Variants in ASIC2 observed in about 807,000 individuals in gnomAD.
The protein encoded by ASIC2 is acid-sensing ion channel 2.
A neutral mutation model predicts 57.3 loss-of-function variants in ASIC2; 25 were observed. The observed-to-expected ratio is 0.44, with a 90% CI of 0.32 to 0.61. The LOEUF is 0.61. ASIC2 is among the 20% of genes least tolerant of loss of function. The pLI, the probability that ASIC2 is intolerant of heterozygous loss-of-function variation, is 0.06. For synonymous variants in ASIC2, 319 were observed against 307.5 expected, an observed-to-expected ratio of 1.04 and a Z score of -0.39; for missense variants, 641 against 738.1, an observed-to-expected ratio of 0.87 and a Z score of 1.52.
In ASIC2 at chr17:34,113,845, A is replaced by G. The variant is rs549710551; in HGVS notation, c.555+42133T>C. ...AGCTATGATTGGGCCACTGCCCTTC[A>G]GCCTAGGCAACAGAGACCATTTCTC... On this transcript the variant is annotated intron_variant, in intron 1 of 9. Transcript: ENST00000359872. 2.6e-4 allele frequency among the ~76,000 whole-genome samples: 39 copies of G among 152,318 alleles called. No homozygotes were observed. The South Asian group carries it at 7.9e-3, about 31-fold the overall frequency.
intron 1 of ASIC2, among the ~76,000 whole-genome samples, chr17:33,556,231 A>T (rs985468886): frequency 6.6e-6 from 1 of 152,184 alleles, no homozygotes; most frequent in Non-Finnish European, 1.5e-5. Context: ...CCAAGGGGAG[A>T]GGAGACATGG....
chr17:33,435,754 C>T (rs780962436), intron 1 of ASIC2, among the ~76,000 whole-genome samples: 2 of 152,216 alleles, frequency 1.3e-5, no homozygotes, highest in African/African-American at 2.4e-5. Context: ...ATTATTGAAT[C>T]TAGGCACTGA....
At chr17:33,303,393 G>A (rs116861047) in intron 1 of ASIC2, among the ~76,000 whole-genome samples, 130 of 152,236 alleles carry the variant, frequency 8.5e-4, no homozygotes, top group African/African-American at 3.0e-3. Context: ...AAAACTATAC[G>A]AGCCCACTTG....
At chr17:33,284,778 T>C (rs1905081129) in intron 1 of ASIC2, among the ~76,000 whole-genome samples, 1 of 152,188 alleles carries the variant, frequency 6.6e-6, no homozygotes, top group Non-Finnish European at 1.5e-5. Context: ...CAGGGTTCCA[T>C]GACACTCATT....
At chr17:34,057,151 G>C (rs1471622087) in intron 1 of ASIC2, among the ~76,000 whole-genome samples, 1 of 150,046 alleles carries the variant, frequency 6.7e-6, no homozygotes, top group Non-Finnish European at 1.5e-5. Flanking sequence ...TTGGACCTGA[G>C]TAGAGAGACA....
chr17:33,921,257 C>A (rs934789050), intron 1 of ASIC2, among the ~76,000 whole-genome samples: 2 of 152,088 alleles, frequency 1.3e-5, no homozygotes, highest in Non-Finnish European at 2.9e-5. Flanking sequence ...TTAGCCTCAC[C>A]TATAAAACCA....
chr17:33,852,163 C>G (rs1913785683), intron 1 of ASIC2, among the ~76,000 whole-genome samples: 1 of 152,244 alleles, frequency 6.6e-6, no homozygotes, highest in Admixed American at 6.5e-5. Flanking sequence ...TATCCATCAT[C>G]AAGTAAGGCT....
intron 1 of ASIC2, among the ~76,000 whole-genome samples, chr17:34,099,737 A>AGAAG (rs1910767368): frequency 8.6e-3 from 3 of 350 alleles, no homozygotes; most frequent in Non-Finnish European, 0.02. Flanking sequence ...AAAGAAGGAA[A>AGAAG]GAAAGAAAGA....
intron 1 of ASIC2, among the ~76,000 whole-genome samples, chr17:34,047,684 CA>C (rs1485452037): frequency 6.6e-6 from 1 of 152,004 alleles, no homozygotes; most frequent in Non-Finnish European, 1.5e-5. Flanking sequence ...TTGCTGTGAC[CA>C]ATGGAATGCT....
chr17:33,242,058 C>T (rs1400988376), intron 1 of ASIC2, among the ~76,000 whole-genome samples: 1 of 152,204 alleles, frequency 6.6e-6, no homozygotes, highest in Non-Finnish European at 1.5e-5. Flanking sequence ...GTGGCTCACG[C>T]CTGTAATCCC....
At chr17:33,408,436 A>G (rs1253935091) in intron 1 of ASIC2, among the ~76,000 whole-genome samples, 8 of 152,212 alleles carry the variant, frequency 5.3e-5, no homozygotes, top group Non-Finnish European at 8.8e-5. Flanking sequence ...GTGGGTGTGA[A>G]TATGTATCCG....
intron 1 of ASIC2, among the ~76,000 whole-genome samples, chr17:33,270,710 A>T (rs947973551): frequency 6.6e-6 from 1 of 152,166 alleles, no homozygotes; most frequent in Non-Finnish European, 1.5e-5. Context: ...CTTCATTTCT[A>T]ACCCTGACAA....
At chr17:33,711,517 T>C (rs1909035545) in intron 1 of ASIC2, among the ~76,000 whole-genome samples, 1 of 152,206 alleles carries the variant, frequency 6.6e-6, no homozygotes, top group Admixed American at 6.5e-5. Context: ...TATTACTCTG[T>C]TCTCACACTG....
intron 1 of ASIC2, among the ~76,000 whole-genome samples, chr17:33,710,783 T>C (rs1295015555): frequency 6.6e-6 from 1 of 152,052 alleles, no homozygotes; most frequent in East Asian, 1.9e-4. Context: ...CTAGAGCAGT[T>C]TGGGTCCTTG....
At chr17:33,274,802 A>G (rs1397534443) in intron 1 of ASIC2, among the ~76,000 whole-genome samples, 1 of 152,150 alleles carries the variant, frequency 6.6e-6, no homozygotes, top group Non-Finnish European at 1.5e-5. Flanking sequence ...AGAGGCCCAG[A>G]GCGGGCAGCT....
rs751735036 is a variant in ASIC2 at position 33,111,992 on chromosome 17, C to T, written c.784G>A (p.Gly262Arg). 3 of 1,613,960 alleles carry T rather than the reference C, an allele frequency of 1.9e-6. No homozygotes were observed. The highest frequency in any genetic ancestry group is 1.7e-5 in the Admixed American group (1 of 59,984). Reference protein sequence around the residue: ...DGKPLLTTVKGGTGNGLEIML... With the variant: ...DGKPLLTTVKRGTGNGLEIML... The stretch of plus-strand genomic sequence containing the variant: ...ATCTCCAGCCCGTTGCCTGTCCCCC[C>T]CTTGACCGTGGTGAGCAGAGGTTTG... Residue 262 changes from glycine (G) to arginine (R), a missense_variant, in exon 2 of 10, where the codon GGG becomes AGG. Physicochemically the swap from Gly to Arg is moderately radical, Grantham distance 125 (BLOSUM62 -2). Around this residue, in one of 3 missense-constraint regions of ASIC2, gnomAD observed 382 missense variants for 398.0 expected, o/e 0.96. Transcript: ENST00000225823.
rs146620186 is a variant in ASIC2, at chr17:33,789,445, A to G, written c.555+366533T>C. On this transcript the variant is annotated intron_variant, in intron 1 of 9. Coordinates refer to the ASIC2 transcript ENST00000359872. The stretch of plus-strand genomic sequence containing the variant: ...CAAGGAAACAGGCTTTATTTGTGAG[A>G]TTTAGCAGAGAATCATGGTCACACA... Among the ~76,000 whole-genome samples the G allele has an allele frequency of 3.0e-4, 45 of 147,910 alleles. No homozygotes were observed. In the East Asian group the frequency reaches 6.5e-3, roughly 21 times the overall value.
intron 1 of ASIC2, among the ~76,000 whole-genome samples, chr17:33,574,670 T>C (rs776437894): frequency 1.3e-4 from 20 of 152,334 alleles, no homozygotes; most frequent in Non-Finnish European, 2.8e-4. Flanking sequence ...AGGAACACTT[T>C]ATTTTTCATA....
chr17:33,962,683 G>T (rs915667281), intron 1 of ASIC2, among the ~76,000 whole-genome samples: 1 of 152,142 alleles, frequency 6.6e-6, no homozygotes, highest in African/African-American at 2.4e-5. Context: ...CTTTAAGTAT[G>T]TGAGAGATTC....
Sources: gnomAD v4.1 joint callset for allele counts (sites outside exome capture counted in the v4.1 genomes callset) on GRCh38, gnomAD v4.1.1 for gene constraint, gnomAD v4.1.1 regional missense constraint, MANE v1.5 for transcripts, NCBI Gene and HGNC (gene_info 2026-07-23, HGNC 2026-07-21) for gene names.